The following ROBO1 variants were observed in gnomAD, a reference collection of about 807,000 sequenced individuals.
ROBO1 encodes the protein roundabout homolog 1.
ROBO1 carries 149 observed loss-of-function variants against 195.9 expected under a neutral mutation model. The ratio of observed to expected loss-of-function variants is 0.76; its 90% CI spans 0.67 to 0.87. ROBO1 has a LOEUF of 0.87. Ranked by LOEUF, ROBO1 falls within the 40% of genes least tolerant of loss-of-function variation. The probability of loss-of-function intolerance (pLI) is 0.00; values close to 1 mark genes in which losing one functional copy is unlikely to be tolerated. For synonymous variants in ROBO1, 816 were observed against 733.2 expected (o/e 1.11, Z -1.82); for missense variants, 1,933 against 2,068.3 (o/e 0.93, Z 1.27).
At chr3:79,260,363 A>T (rs955201989) in intron 2 of ROBO1, among the ~76,000 whole-genome samples, 2 of 152,040 alleles carry the variant, frequency 1.3e-5, no homozygotes, top group Non-Finnish European at 2.9e-5. Flanking sequence ...TTTTTAATGT[A>T]TTCTAAATAG....
At chr3:78,774,105 T>C (rs1361783744) in intron 4 of ROBO1, among the ~76,000 whole-genome samples, 3 of 152,240 alleles carry the variant, frequency 2.0e-5, no homozygotes, top group African/African-American at 7.2e-5. Context: ...GATGAGAACC[T>C]AAGCAGGATA....
At chr3:79,706,376 C>T (rs1454741393) in intron 1 of ROBO1, among the ~76,000 whole-genome samples, 3 of 152,078 alleles carry the variant, frequency 2.0e-5, no homozygotes, top group Non-Finnish European at 2.9e-5. Flanking sequence ...TGGATTTTGA[C>T]AATTTTTCTG....
intron 1 of ROBO1, among the ~76,000 whole-genome samples, chr3:79,669,134 T>C (rs1309723304): frequency 6.6e-6 from 1 of 151,838 alleles, no homozygotes; most frequent in African/African-American, 2.4e-5. Flanking sequence ...GGAAGATAAC[T>C]GAATCATGGG....
intron 2 of ROBO1, among the ~76,000 whole-genome samples, chr3:79,538,532 T>A (rs1432508431): frequency 6.6e-6 from 1 of 152,130 alleles, no homozygotes; most frequent in Non-Finnish European, 1.5e-5. Flanking sequence ...GTCACTTGCC[T>A]CTCAGCTACT....
At chr3:78,922,118 A>G (rs916521054) in intron 4 of ROBO1, among the ~76,000 whole-genome samples, 1 of 152,178 alleles carries the variant, frequency 6.6e-6, no homozygotes, top group African/African-American at 2.4e-5. Context: ...CTAGGTTTAC[A>G]TGGTATTGAA....
intron 2 of ROBO1, among the ~76,000 whole-genome samples, chr3:79,205,115 C>T (rs2081842897): frequency 6.6e-6 from 1 of 152,048 alleles, no homozygotes; most frequent in South Asian, 2.1e-4. Flanking sequence ...GCAGCAGCCT[C>T]TGGAGTAGTT....
chr3:78,665,191 C>A (rs1707661983), intron 14 of ROBO1, among the ~76,000 whole-genome samples: 1 of 152,192 alleles, frequency 6.6e-6, no homozygotes, highest in Non-Finnish European at 1.5e-5. Context: ...AGAACAAACA[C>A]ATTACTCCAT....
chr3:79,009,053 G>C (rs1299614413), intron 3 of ROBO1, among the ~76,000 whole-genome samples: 2 of 150,130 alleles, frequency 1.3e-5, no homozygotes, highest in Non-Finnish European at 3.0e-5. Flanking sequence ...CAACTCTCCT[G>C]CCTCGGCCTC....
intron 2 of ROBO1, among the ~76,000 whole-genome samples, chr3:79,446,705 G>T (rs772583131): frequency 2.6e-5 from 4 of 152,076 alleles, no homozygotes; most frequent in Non-Finnish European, 5.9e-5. Context: ...AATATTTGGG[G>T]CCATATCAGT....
intron 1 of ROBO1, among the ~76,000 whole-genome samples, chr3:79,621,201 A>T (rs1205883493): frequency 1.3e-5 from 2 of 152,064 alleles, no homozygotes; most frequent in African/African-American, 4.8e-5. Context: ...TCATTACTTC[A>T]GTCAAGCCCT....
Position 79,561,996 on chromosome 3 carries a change from T to C in ROBO1, c.88+27828A>G, listed in dbSNP as rs1454855404. 3.3e-5 allele frequency among the ~76,000 whole-genome samples: 5 copies of C among 152,166 alleles called. No homozygotes were observed. The East Asian group carries it at 9.6e-4, about 29-fold the overall frequency. On this transcript the variant is annotated intron_variant, in intron 2 of 30. Coordinates refer to ENST00000464233, the MANE Select transcript of ROBO1 (RefSeq NM_002941.4). ...CTTCTGTATGATTTGAATTAATAAT[T>C]CTTAGGTGACAAATGATAGCTGGTT...
chr3:79,513,260 T>C (rs1940796748), intron 2 of ROBO1, among the ~76,000 whole-genome samples: 1 of 152,092 alleles, frequency 6.6e-6, no homozygotes, highest in South Asian at 2.1e-4. Flanking sequence ...ATATATTCTA[T>C]CATAGAAAAC....
At chr3:79,434,548 A>G (rs2107065765) in intron 2 of ROBO1, among the ~76,000 whole-genome samples, 1 of 152,254 alleles carries the variant, frequency 6.6e-6, no homozygotes, top group South Asian at 2.1e-4. Flanking sequence ...AATGGCGATC[A>G]TTAAAAAGTC....
At chr3:79,418,970 G>A (rs771185601) in intron 2 of ROBO1, among the ~76,000 whole-genome samples, 11 of 152,068 alleles carry the variant, frequency 7.2e-5, no homozygotes, top group African/African-American at 9.7e-5. Context: ...CTAGTGTTAC[G>A]ATCTTCAGTC....
chr3:79,050,166 C>T (rs1056071731), intron 3 of ROBO1, among the ~76,000 whole-genome samples: 5 of 152,098 alleles, frequency 3.3e-5, no homozygotes, highest in African/African-American at 1.2e-4. Flanking sequence ...CGTGCAGAAA[C>T]ACACATAGGC....
chr3:79,513,646 T>C (rs988615540), intron 2 of ROBO1, among the ~76,000 whole-genome samples: 1 of 152,126 alleles, frequency 6.6e-6, no homozygotes, highest in Non-Finnish European at 1.5e-5. Flanking sequence ...AGGAGAATGT[T>C]GCCTTGTAAG....
chr3:79,749,783 A>G (rs2107469310), intron 1 of ROBO1, among the ~76,000 whole-genome samples: 1 of 152,346 alleles, frequency 6.6e-6, no homozygotes, highest in South Asian at 2.1e-4. Flanking sequence ...CAGAGGATAT[A>G]TGGAAATGCC....
chr3:78,958,903 C>T (rs1478204293), intron 3 of ROBO1, among the ~76,000 whole-genome samples: 1 of 150,276 alleles, frequency 6.7e-6, no homozygotes, highest in Non-Finnish European at 1.5e-5. Context: ...TGGCTCTCTG[C>T]AGCCTCAACC....
intron 1 of ROBO1, among the ~76,000 whole-genome samples, chr3:79,656,379 A>G (rs1320801872): frequency 6.6e-6 from 1 of 152,094 alleles, no homozygotes; most frequent in Non-Finnish European, 1.5e-5. Context: ...GTATTACATA[A>G]GCTTTAAAAA....
Sources: gnomAD v4.1 joint callset for allele counts (sites outside exome capture counted in the v4.1 genomes callset) on GRCh38, gnomAD v4.1.1 for gene constraint, MANE v1.5 for transcripts, NCBI Gene and HGNC (gene_info 2026-07-23, HGNC 2026-07-21) for gene names.